Variants in MTUS2 observed in about 807,000 individuals in gnomAD.
The protein encoded by MTUS2 is microtubule associated scaffold protein 2, also known as microtubule-associated tumor suppressor candidate 2.
Under a neutral mutation model 114.1 loss-of-function variants are expected in MTUS2, and 40 were observed. That is an observed-to-expected ratio of 0.35 (90% CI 0.27 to 0.46). The LOEUF (loss-of-function observed/expected upper bound fraction) is 0.46, where lower values mean the gene tolerates loss of function less well. Among genes scored for constraint, MTUS2 ranks in the 20% least tolerant of loss-of-function variants. MTUS2 has a pLI of 1.00. For synonymous variants in MTUS2, 688 were observed against 672.0 expected, an observed-to-expected ratio of 1.02 and a Z score of -0.37; for missense variants, 1,679 against 1,705.4, an observed-to-expected ratio of 0.98 and a Z score of 0.27.
chr13:28,933,118 A>AACACACACAC (rs59162969), intron 2 of MTUS2, among the ~76,000 whole-genome samples: 58 of 145,326 alleles, frequency 4.0e-4, no homozygotes, highest in Non-Finnish European at 5.6e-4. Flanking sequence ...GGAGAATCAG[A>AACACACACAC]ACACACACAC....
chr13:28,978,958 CTG>C (rs1476532318), intron 2 of MTUS2, among the ~76,000 whole-genome samples: 3 of 152,224 alleles, frequency 2.0e-5, no homozygotes, highest in African/African-American at 7.2e-5. Flanking sequence ...CCCAAAATGA[CTG>C]TCTCTGCATA....
At chr13:29,452,224 A>C (rs1046866132) in intron 9 of MTUS2, among the ~76,000 whole-genome samples, 13 of 152,206 alleles carry the variant, frequency 8.5e-5, no homozygotes, top group Admixed American at 5.9e-4. Context: ...CAATTTCACA[A>C]AACTGCTACA....
At chr13:29,389,410 CGT>C (rs144076814) in intron 8 of MTUS2, among the ~76,000 whole-genome samples, 17,742 of 76,196 alleles carry the variant, frequency 0.23, 4,529 homozygotes, top group African/African-American at 0.4. Context: ...TATGTATACA[CGT>C]GTGTGTGTAT....
chr13:29,195,633 A>G (rs1195177099), intron 5 of MTUS2, among the ~76,000 whole-genome samples: 1 of 151,958 alleles, frequency 6.6e-6, no homozygotes, highest in Non-Finnish European at 1.5e-5. Flanking sequence ...CAAGCACCAA[A>G]AGAAAGGAAA....
intron 8 of MTUS2, among the ~76,000 whole-genome samples, chr13:29,369,918 T>C (rs1001077294): frequency 1.3e-5 from 2 of 151,946 alleles, no homozygotes; most frequent in East Asian, 1.9e-4. Flanking sequence ...TTTAAAAGCA[T>C]GAAGGAGGAA....
intron 2 of MTUS2, among the ~76,000 whole-genome samples, chr13:28,910,035 A>T (rs1004565609): frequency 6.6e-6 from 1 of 152,194 alleles, no homozygotes; most frequent in Admixed American, 6.5e-5. Flanking sequence ...TTGTGTTACA[A>T]TCCAGTTATA....
At chr13:29,436,731 T>C (rs1181253634) in intron 8 of MTUS2, among the ~76,000 whole-genome samples, 1 of 152,102 alleles carries the variant, frequency 6.6e-6, no homozygotes, top group East Asian at 1.9e-4. Flanking sequence ...CAAATGGAGA[T>C]GGTACAAGGT....
intron 5 of MTUS2, among the ~76,000 whole-genome samples, chr13:29,197,761 G>A (rs192718875): frequency 4.7e-4 from 71 of 152,182 alleles, no homozygotes; most frequent in African/African-American, 1.4e-3. Flanking sequence ...TCCAACTGGC[G>A]TGAGATGGTA....
chr13:29,034,265 TGCA>T, intron 4 of MTUS2, 140 bp downstream of exon 4: 1 of 1,133,934 alleles, frequency 8.8e-7, no homozygotes, highest in South Asian at 1.6e-5. Context: ...TGTCTGTAGA[TGCA>T]GACATTTGTG....
At chr13:28,850,075 C>G (rs1289873296) in intron 2 of MTUS2, among the ~76,000 whole-genome samples, 1 of 152,152 alleles carries the variant, frequency 6.6e-6, no homozygotes, top group Non-Finnish European at 1.5e-5. Context: ...GAGAGCATCT[C>G]CCTTTGGTTC....
rs184893892 is a variant in MTUS2, at chr13:29,262,283, A to G, written c.2645-19421A>G. On this transcript the variant is annotated intron_variant, in intron 5 of 15. Coordinates refer to ENST00000612955, the MANE Select transcript of MTUS2 (RefSeq NM_001033602.4). Reference sequence around the variant, plus strand: ...TTTAATTGGGCTGTGAAGAACTGCTAGACTTGCCTGTGGTTGCAGAATGCC... The same window carrying G: ...TTTAATTGGGCTGTGAAGAACTGCTGGACTTGCCTGTGGTTGCAGAATGCC... Among the ~76,000 whole-genome samples the G allele has an allele frequency of 3.0e-3, 458 of 152,366 alleles. 2 individuals are homozygous for G. The highest frequency in any genetic ancestry group is 0.027 in the Middle Eastern group (8 of 294).
intron 7 of MTUS2, among the ~76,000 whole-genome samples, chr13:29,344,931 G>T (rs767385504): frequency 2.6e-5 from 4 of 152,138 alleles, no homozygotes; most frequent in Non-Finnish European, 5.9e-5. Flanking sequence ...AGTTTCATTG[G>T]ATACAAAACT....
At chr13:29,422,369 T>A (rs1478314808) in intron 8 of MTUS2, among the ~76,000 whole-genome samples, 1 of 152,118 alleles carries the variant, frequency 6.6e-6, no homozygotes, top group Non-Finnish European at 1.5e-5. Context: ...TTGTGAGAGT[T>A]ACGTGAGATA....
At chr13:28,992,750 C>T (rs74041694) in intron 2 of MTUS2, among the ~76,000 whole-genome samples, 2,678 of 152,206 alleles carry the variant, frequency 0.018, 82 homozygotes, top group African/African-American at 0.06. Context: ...AAAATATACA[C>T]AACATACAAT....
At chr13:28,852,443 G>A (rs1876340774) in intron 2 of MTUS2, among the ~76,000 whole-genome samples, 1 of 152,162 alleles carries the variant, frequency 6.6e-6, no homozygotes, top group Non-Finnish European at 1.5e-5. Flanking sequence ...GACATGGTGG[G>A]ACAGTAGCTG....
rs372173362 is a variant in MTUS2, at chr13:28,972,788, AAC to A, written c.-242-51665_-242-51664del. Among the ~76,000 whole-genome samples the A allele has an allele frequency of 5.2e-3, 791 of 152,286 alleles. 5 individuals are homozygous for A. The highest frequency in any genetic ancestry group is 0.018 in the African/African-American group (754 of 41,564). The stretch of plus-strand genomic sequence containing the variant: ...GTTTTGTGAATTATTTAAACACAAA[AAC>A]ACAGAAAATAATTCACCTTTATGTA... On this transcript the variant is annotated intron_variant, in intron 2 of 15. Coordinates refer to ENST00000612955, the MANE Select transcript of MTUS2 (RefSeq NM_001033602.4).
At chr13:28,874,416 C>T (rs115918080) in intron 2 of MTUS2, among the ~76,000 whole-genome samples, 87 of 152,266 alleles carry the variant, frequency 5.7e-4, no homozygotes, top group African/African-American at 2.0e-3. Context: ...TGTTGTCTCT[C>T]ATGGTTTCTG....
At position 29,033,958 on chromosome 13, in the gene MTUS2, A is replaced by G. The variant is rs373448766; in HGVS notation, c.2279A>G (p.Tyr760Cys). 2.9e-5 allele frequency: 46 copies of G among 1,613,852 alleles called. No individual in the cohort carries two copies. The highest frequency in any genetic ancestry group is 2.2e-4 in the East Asian group (10 of 44,886). ...YAHYEVPPTF[Y>C]RSAMLLKPQL... Reference sequence around the variant, plus strand: ...CATTATGAAGTCCCTCCAACTTTCTATCGGTCAGCCATGCTCCTTAAGCCC... The same window carrying G: ...CATTATGAAGTCCCTCCAACTTTCTGTCGGTCAGCCATGCTCCTTAAGCCC... Residue 760 changes from tyrosine to cysteine, a missense_variant, in exon 4 of 16, where the codon TAT becomes TGT. Tyr to Cys is a radical substitution (Grantham distance 194). Coordinates refer to ENST00000612955, the MANE Select transcript of MTUS2 (RefSeq NM_001033602.4).
In MTUS2 at chr13:29,452,574, A is replaced by G. The variant is rs867509056; in HGVS notation, c.3184+12525A>G. On this transcript the variant is annotated intron_variant, in intron 9 of 15. Coordinates refer to ENST00000612955, the MANE Select transcript of MTUS2 (RefSeq NM_001033602.4). Reference sequence around the variant, plus strand: ...CCCAACTGTGTATATATATATATATATGTGTGTGTGTGTGTGTGTGTGTGT... The same window carrying G: ...CCCAACTGTGTATATATATATATATGTGTGTGTGTGTGTGTGTGTGTGTGT... 6.1e-3 allele frequency among the ~76,000 whole-genome samples: 801 copies of G among 130,292 alleles called. 9 individuals are homozygous for G. The highest frequency in any genetic ancestry group is 0.023 in the African/African-American group (753 of 32,770). 85.5% of individuals were successfully genotyped at this position (130,292 alleles called of 152,430 possible).
Sources: allele counts gnomAD v4.1 joint callset (sites outside exome capture counted in the v4.1 genomes callset), GRCh38; gene constraint gnomAD v4.1.1; transcripts MANE v1.5; gene names NCBI Gene and HGNC (gene_info 2026-07-23, HGNC 2026-07-21).